LARP1: variants seen among roughly 807,000 people sequenced by gnomAD.
The protein encoded by LARP1 is La ribonucleoprotein 1, translational regulator.
A neutral mutation model predicts 122.7 loss-of-function variants in LARP1; 36 were observed. That is an observed-to-expected ratio of 0.29 (90% CI 0.22 to 0.39). The LOEUF (loss-of-function observed/expected upper bound fraction) is 0.39, where lower values mean the gene tolerates loss of function less well. Ranked by LOEUF, LARP1 falls within the 10% of genes least tolerant of loss-of-function variation. LARP1 has a pLI of 1.00. For missense variants in LARP1, 1,040 were observed against 1,403.6 expected, an observed-to-expected ratio of 0.74 and a Z score of 4.14; for synonymous variants, 539 against 528.7, an observed-to-expected ratio of 1.02 and a Z score of -0.27.
At chr5:154,693,569 T>G (rs1319627383) in intron 1 of LARP1, among the ~76,000 whole-genome samples, 1 of 152,132 alleles carries the variant, frequency 6.6e-6, no homozygotes, top group Non-Finnish European at 1.5e-5. Flanking sequence ...GAAAGTTCTT[T>G]TCTCGACTGG....
intron 1 of LARP1, among the ~76,000 whole-genome samples, chr5:154,691,060 C>G (rs1278798364): frequency 6.6e-6 from 1 of 151,812 alleles, no homozygotes; most frequent in African/African-American, 2.4e-5. Context: ...GAGATCGAGA[C>G]CATCCTGGCT....
At position 154,773,979 on chromosome 5, in the gene LARP1, A is replaced by G. The variant is rs1755653409; in HGVS notation, c.437-16346A>G. On this transcript the variant is annotated intron_variant, in intron 1 of 18. Coordinates refer to ENST00000518297, the MANE Select transcript of LARP1 (RefSeq NM_033551.3). ...ATCCTGCACCCCTAGTGTGGGCACA[A>G]GTGCCTCACACTAGGCCACTTTGTG... 4.6e-5 allele frequency among the ~76,000 whole-genome samples: 7 copies of G among 152,152 alleles called. No individual in the cohort carries two copies. The South Asian group carries it at 1.4e-3, about 31-fold the overall frequency.
At chr5:154,761,625 C>T (rs192211850) in intron 1 of LARP1, among the ~76,000 whole-genome samples, 27 of 152,288 alleles carry the variant, frequency 1.8e-4, no homozygotes, top group Admixed American at 1.8e-3. Flanking sequence ...AGTCCAGACT[C>T]AAAAACCTCC....
At chr5:154,689,997 C>G (rs1178624128) in intron 1 of LARP1, among the ~76,000 whole-genome samples, 1 of 152,046 alleles carries the variant, frequency 6.6e-6, no homozygotes, top group African/African-American at 2.4e-5. Flanking sequence ...GCAGAGATCG[C>G]GCCGTTGCAC....
At chr5:154,726,404 G>A (rs1434648977) in intron 1 of LARP1, among the ~76,000 whole-genome samples, 1 of 152,096 alleles carries the variant, frequency 6.6e-6, no homozygotes, top group Non-Finnish European at 1.5e-5. Flanking sequence ...CATTTCAGTA[G>A]ACAAAACCAC....
intron 1 of LARP1, among the ~76,000 whole-genome samples, chr5:154,750,285 C>T (rs1472071214): frequency 6.6e-6 from 1 of 151,850 alleles, no homozygotes; most frequent in Admixed American, 6.6e-5. Flanking sequence ...ACTTCCCACT[C>T]TCAGGTGAGG....
intron 1 of LARP1, 111 bp downstream of exon 1, chr5:154,756,304 C>T (rs1387790354): frequency 5.3e-6 from 5 of 946,054 alleles, no homozygotes; most frequent in Non-Finnish European, 6.4e-6. Context: ...CATGGTGACT[C>T]GGGACTTTTT....
chr5:154,758,227 A>C (rs74850345), intron 1 of LARP1, among the ~76,000 whole-genome samples: 4 of 152,060 alleles, frequency 2.6e-5, no homozygotes, highest in Non-Finnish European at 5.9e-5. Context: ...AGTGTGCGTC[A>C]CTGGGGTTAT....
chr5:154,792,163 G>A (rs1454335760), intron 3 of LARP1: 1 of 339,790 alleles, frequency 2.9e-6, no homozygotes, highest in Admixed American at 3.5e-5. Context: ...CTAGCAAAGA[G>A]AGGACTCCTA....
intron 1 of LARP1, among the ~76,000 whole-genome samples, chr5:154,772,135 A>G (rs1045419180): frequency 6.6e-6 from 1 of 152,280 alleles, no homozygotes; most frequent in Non-Finnish European, 1.5e-5. Flanking sequence ...GAGATTGTGT[A>G]TCTTTCTAGA....
intron 10 of LARP1, 51 bp downstream of exon 10, chr5:154,800,093 G>T: frequency 6.4e-7 from 1 of 1,550,432 alleles, no homozygotes; most frequent in Non-Finnish European, 8.8e-7. Flanking sequence ...GAGCTAGGGT[G>T]CTTGAAGGGG....
rs549453455 is a variant in LARP1 at position 154,718,105 on chromosome 5, A to G, written c.205+4975A>G. Among the ~76,000 whole-genome samples the G allele has an allele frequency of 2.6e-5, 4 of 151,676 alleles. No homozygotes were observed. In the East Asian group the frequency reaches 7.8e-4, roughly 29 times the overall value. On this transcript the variant is annotated intron_variant, in intron 1 of 18. Transcript: ENST00000336314. ...GCTAACTTAAAATTTTTTTTTTTGT[A>G]GAAACGGGGTCTCACTTTGTTGCCC...
At chr5:154,694,325 T>C (rs772114903) in intron 1 of LARP1, among the ~76,000 whole-genome samples, 2 of 152,180 alleles carry the variant, frequency 1.3e-5, no homozygotes, top group Non-Finnish European at 2.9e-5. Flanking sequence ...GGTGTGATCC[T>C]AGCTCACTGC....
chr5:154,777,609 T>A lies in LARP1; in HGVS notation c.437-12716T>A, dbSNP rs1039593558. ...ACCCCCTGCTTCACTTTACTAGCCTTAAAATATTTTTAAAGATTTTTTAAA... is the reference window on the plus strand; with the variant it reads ...ACCCCCTGCTTCACTTTACTAGCCTAAAAATATTTTTAAAGATTTTTTAAA... On this transcript the variant is annotated intron_variant, in intron 1 of 18. Transcript: ENST00000518297. Among the ~76,000 whole-genome samples the A allele has an allele frequency of 3.3e-5, 5 of 152,190 alleles. No individual in the cohort carries two copies. In the South Asian group the frequency reaches 1.0e-3, roughly 32 times the overall value.
chr5:154,813,823 G>T, intron 18 of LARP1, 64 bp from the exon 19 acceptor site: 2 of 1,377,496 alleles, frequency 1.5e-6, no homozygotes, highest in Non-Finnish European at 2.1e-6. Flanking sequence ...GTCTAGACGG[G>T]CCTGGCAAGG....
At chr5:154,792,880 CT>C in intron 4 of LARP1, 84 bp downstream of exon 4, 1 of 1,340,772 alleles carries the variant, frequency 7.5e-7, no homozygotes, top group Non-Finnish European at 1.0e-6. Flanking sequence ...GCTGGAGGAG[CT>C]TTAGGTGCCA....
chr5:154,783,782 G>A (rs977101568), intron 1 of LARP1, among the ~76,000 whole-genome samples: 3 of 152,180 alleles, frequency 2.0e-5, no homozygotes, highest in Admixed American at 6.5e-5. Context: ...TTATTTACAC[G>A]TGTAATTCGT....
At chr5:154,704,727 T>TAA (rs947606382) in intron 1 of LARP1, among the ~76,000 whole-genome samples, 1 of 147,160 alleles carries the variant, frequency 6.8e-6, no homozygotes, top group Admixed American at 6.8e-5. Context: ...CAGGAGAAAC[T>TAA]ATTTGTAAAC....
chr5:154,789,418 G>T (rs983768774), intron 1 of LARP1, among the ~76,000 whole-genome samples: 1 of 151,454 alleles, frequency 6.6e-6, no homozygotes, highest in Non-Finnish European at 1.5e-5. Flanking sequence ...ACAGGGTTTC[G>T]CCATGTTGGC....
Sources: allele counts gnomAD v4.1 joint callset (sites outside exome capture counted in the v4.1 genomes callset), GRCh38; gene constraint gnomAD v4.1.1; transcripts MANE v1.5; gene names NCBI Gene and HGNC (gene_info 2026-07-23, HGNC 2026-07-21).